SGCD: variants seen among roughly 807,000 people sequenced by gnomAD.
SGCD encodes the protein delta-sarcoglycan.
In SGCD, 18 loss-of-function variants were observed where a neutral mutation model predicts 36.6. That is an observed-to-expected ratio of 0.49 (90% confidence interval 0.34 to 0.73). The LOEUF (loss-of-function observed/expected upper bound fraction) is 0.73. Among genes scored for constraint, SGCD ranks in the 30% least tolerant of loss-of-function variants. The pLI is 0.01. For synonymous variants in SGCD, 133 were observed against 130.6 expected (o/e 1.02, Z -0.12); for missense variants, 387 against 346.7 (o/e 1.12, Z -0.92).
At chr5:156,001,895 C>T (rs1758672381) in intron 1 of SGCD, among the ~76,000 whole-genome samples, 1 of 152,116 alleles carries the variant, frequency 6.6e-6, no homozygotes, top group Non-Finnish European at 1.5e-5. Flanking sequence ...CTGGCCAGGC[C>T]CTCAAAAATA....
intron 3 of SGCD, among the ~76,000 whole-genome samples, chr5:156,499,636 A>G (rs1038517778): frequency 6.6e-6 from 1 of 152,176 alleles, no homozygotes; most frequent in African/African-American, 2.4e-5. Flanking sequence ...AAACATTTAC[A>G]AAGATTCAAA....
chr5:155,923,625 G>A (rs1756934665), intron 1 of SGCD, among the ~76,000 whole-genome samples: 1 of 152,142 alleles, frequency 6.6e-6, no homozygotes, highest in African/African-American at 2.4e-5. Context: ...TACCAACTGA[G>A]GAATGTCATT....
intron 1 of SGCD, among the ~76,000 whole-genome samples, chr5:156,094,693 G>T (rs1198619965): frequency 6.6e-6 from 1 of 152,138 alleles, no homozygotes; most frequent in Non-Finnish European, 1.5e-5. Flanking sequence ...GGCTTCTGGG[G>T]AGGAAGGAGA....
the SGCD span, among the ~76,000 whole-genome samples, chr5:155,786,589 G>C: frequency 6.6e-6 from 1 of 152,272 alleles, no homozygotes; most frequent in Non-Finnish European, 1.5e-5. Context: ...GCTATCAGGA[G>C]TCAGGTTAAG....
chr5:156,050,390 G>A (rs938895237), intron 1 of SGCD, among the ~76,000 whole-genome samples: 1 of 146,142 alleles, frequency 6.8e-6, no homozygotes, highest in African/African-American at 2.5e-5. Flanking sequence ...AATTATAAAG[G>A]GTACATTTTT....
At position 156,162,467 on chromosome 5, in the gene SGCD, T is replaced by G. The variant is rs1036417388; in HGVS notation, c.-44+38448T>G. On this transcript the variant is annotated intron_variant, in intron 3 of 9. Coordinates refer to the SGCD transcript ENST00000517913. ...CTTAATAGTGTGTGCAGCTCTCCAT[T>G]GAGCAAGTGGTCAAGGACCAGGGAA... Among the ~76,000 whole-genome samples, 10 of 151,488 alleles carry G rather than the reference T, an allele frequency of 6.6e-5. 1 individual carries two copies. The highest frequency in any genetic ancestry group is 2.4e-4 in the African/African-American group (10 of 40,824).
At chr5:156,342,463 G>A (rs114223618) in intron 2 of SGCD, among the ~76,000 whole-genome samples, 1,952 of 152,276 alleles carry the variant, frequency 0.013, 48 homozygotes, top group African/African-American at 0.045. Context: ...AATTGCACAC[G>A]TGATTCTAAG....
At chr5:155,776,390 C>G in the SGCD span, among the ~76,000 whole-genome samples, 7 of 152,110 alleles carry the variant, frequency 4.6e-5, no homozygotes, top group Non-Finnish European at 8.8e-5. Context: ...AGTTATCATC[C>G]TCTTCACAGC....
intron 3 of SGCD, among the ~76,000 whole-genome samples, chr5:156,423,239 A>T (rs1472266068): frequency 5.9e-3 from 5 of 848 alleles, no homozygotes; most frequent in East Asian, 0.042. Flanking sequence ...GTATTATATT[A>T]TATTTTATAA....
intron 3 of SGCD, among the ~76,000 whole-genome samples, chr5:156,498,753 A>G (rs1281669223): frequency 6.6e-6 from 1 of 152,224 alleles, no homozygotes; most frequent in South Asian, 2.1e-4. Context: ...GTTTGTGTGA[A>G]CATACGTTTT....
At chr5:156,077,585 G>T (rs576173345) in intron 1 of SGCD, among the ~76,000 whole-genome samples, 1 of 152,054 alleles carries the variant, frequency 6.6e-6, no homozygotes, top group Non-Finnish European at 1.5e-5. Context: ...TTTCACTTTT[G>T]ACTCATGGGG....
intron 7 of SGCD, among the ~76,000 whole-genome samples, chr5:156,753,811 C>T (rs2113156994): frequency 6.6e-6 from 1 of 152,262 alleles, no homozygotes; most frequent in East Asian, 1.9e-4. Context: ...AATTACCTCC[C>T]ACCAAGTCCC....
chr5:156,525,838 A>G (rs765671957), intron 4 of SGCD, among the ~76,000 whole-genome samples: 7 of 151,890 alleles, frequency 4.6e-5, no homozygotes, highest in Non-Finnish European at 1.0e-4. Context: ...TGAAGAGACT[A>G]TTTTTTTACC....
In SGCD at chr5:156,538,999, A is replaced by T. The variant is rs567154649; in HGVS notation, c.294+30297A>T. Among the ~76,000 whole-genome samples, 3 of 152,276 alleles carry T rather than the reference A, an allele frequency of 2.0e-5. No individual in the cohort carries two copies. In the East Asian group the frequency reaches 5.8e-4, roughly 29 times the overall value. ...TAAGCACAAAAGGGATTCAAAAATC[A>T]AAATAATATTTTGGGCATTTTGGCA... is the stretch of plus-strand genomic sequence containing the variant. On this transcript the variant is annotated intron_variant, in intron 4 of 8. Coordinates refer to ENST00000337851, the MANE Select transcript of SGCD (RefSeq NM_000337.6).
At chr5:156,533,893 A>G (rs1258602745) in intron 4 of SGCD, among the ~76,000 whole-genome samples, 1 of 152,176 alleles carries the variant, frequency 6.6e-6, no homozygotes, top group Non-Finnish European at 1.5e-5. Flanking sequence ...GAACTGATGT[A>G]CTCAGAGTAT....
chr5:156,294,469 T>C (rs1412976554), intron 3 of SGCD, among the ~76,000 whole-genome samples: 3 of 152,118 alleles, frequency 2.0e-5, no homozygotes, highest in Non-Finnish European at 4.4e-5. Flanking sequence ...TTGGATGCTT[T>C]TTATTTCCTT....
At chr5:156,200,959 G>A (rs1050430314) in intron 3 of SGCD, among the ~76,000 whole-genome samples, 5 of 152,070 alleles carry the variant, frequency 3.3e-5, no homozygotes, top group African/African-American at 9.7e-5. Flanking sequence ...GATGAACGTC[G>A]AGGACATTAT....
the SGCD span, among the ~76,000 whole-genome samples, chr5:155,829,788 G>T: frequency 2.0e-5 from 3 of 151,910 alleles, no homozygotes; most frequent in Non-Finnish European, 4.4e-5. Flanking sequence ...ACCTTTGTGG[G>T]TATAGTTTCA....
chr5:156,096,824 G>C (rs1008655927), intron 1 of SGCD, among the ~76,000 whole-genome samples: 3 of 152,178 alleles, frequency 2.0e-5, no homozygotes, highest in African/African-American at 7.2e-5. Context: ...CAAATTCCAA[G>C]ATTCTTTTAT....
Sources: gnomAD v4.1 joint callset for allele counts (sites outside exome capture counted in the v4.1 genomes callset) on GRCh38, gnomAD v4.1.1 for gene constraint, MANE v1.5 for transcripts, NCBI Gene and HGNC (gene_info 2026-07-23, HGNC 2026-07-21) for gene names.